The following NLGN1 variants were observed in gnomAD, a reference collection of about 807,000 sequenced individuals.
NLGN1 encodes neuroligin-1.
NLGN1 carries 12 observed loss-of-function variants against 65.5 expected under a neutral mutation model. The ratio of observed to expected loss-of-function variants is 0.18; its 90% CI spans 0.12 to 0.30. NLGN1 has a LOEUF of 0.30. Among genes scored for constraint, NLGN1 ranks in the 10% least tolerant of loss-of-function variants. NLGN1 has a pLI of 1.00. For synonymous variants in NLGN1, 350 were observed against 359.5 expected, an observed-to-expected ratio of 0.97 and a Z score of 0.30; for missense variants, 750 against 1,007.1, an observed-to-expected ratio of 0.74 and a Z score of 3.46.
intron 4 of NLGN1, among the ~76,000 whole-genome samples, chr3:174,158,541 C>T (rs1417232305): frequency 1.3e-5 from 2 of 151,594 alleles, no homozygotes; most frequent in African/African-American, 2.4e-5. Flanking sequence ...ATCAGAAGCC[C>T]CGGGCATACC....
At chr3:173,566,981 A>G (rs1331473095) in intron 2 of NLGN1, among the ~76,000 whole-genome samples, 1 of 152,180 alleles carries the variant, frequency 6.6e-6, no homozygotes, top group Non-Finnish European at 1.5e-5. Context: ...ATGAGATGCC[A>G]CTAATGTCGA....
intron 3 of NLGN1, among the ~76,000 whole-genome samples, chr3:173,654,560 G>C (rs1404479633): frequency 6.6e-6 from 1 of 151,990 alleles, no homozygotes; most frequent in African/African-American, 2.4e-5. Context: ...TTGTTTTCTT[G>C]GTTCTAAGTT....
intron 4 of NLGN1, among the ~76,000 whole-genome samples, chr3:173,908,711 T>C (rs185708575): frequency 6.6e-6 from 1 of 152,232 alleles, no homozygotes; most frequent in African/African-American, 2.4e-5. Flanking sequence ...ACTGATGTAA[T>C]TGTGGAAATT....
chr3:173,518,377 CAG>C (rs760147133), intron 2 of NLGN1, among the ~76,000 whole-genome samples: 31 of 150,910 alleles, frequency 2.1e-4, no homozygotes, highest in African/African-American at 6.8e-4. Flanking sequence ...CCAAATTATA[CAG>C]AGTTATAGAT....
chr3:173,614,303 T>C (rs1347630371), intron 3 of NLGN1, among the ~76,000 whole-genome samples: 1 of 152,086 alleles, frequency 6.6e-6, no homozygotes, highest in East Asian at 1.9e-4. Flanking sequence ...GTAGTAACTA[T>C]AGCTACTCTC....
intron 4 of NLGN1, among the ~76,000 whole-genome samples, chr3:174,135,993 C>T (rs555444624): frequency 3.4e-4 from 52 of 152,036 alleles, no homozygotes; most frequent in Admixed American, 1.7e-3. Flanking sequence ...TTCTACCTCT[C>T]GCTTCTTCTT....
rs1354262084 is a variant in NLGN1 at position 173,998,227 on chromosome 3, C to T, written c.646+190395C>T. ...GCTTTCAAAGCAGTCATTCTGTTCA[C>T]CTCATCCATTGCTGTTTCGTTGGCC... On this transcript the variant is annotated intron_variant, in intron 4 of 6. Transcript: ENST00000457714. 3.4e-4 allele frequency among the ~76,000 whole-genome samples: 51 copies of T among 152,162 alleles called. 1 individual carries two copies. Among genetic ancestry groups the T allele is most frequent in the Admixed American group, 3.3e-3 (51 of 15,270 alleles).
At chr3:173,989,301 C>T (rs1579603077) in intron 4 of NLGN1, among the ~76,000 whole-genome samples, 1 of 152,118 alleles carries the variant, frequency 6.6e-6, no homozygotes, top group African/African-American at 2.4e-5. Context: ...AGAAGTAATC[C>T]TTAGCTAAGA....
intron 2 of NLGN1, among the ~76,000 whole-genome samples, chr3:173,599,316 A>G (rs116700245): frequency 6.6e-6 from 1 of 152,324 alleles, no homozygotes; most frequent in African/African-American, 2.4e-5. Context: ...GTATGGCAAC[A>G]GCAGAAGAAG....
At chr3:173,473,128 A>C (rs1442242161) in intron 2 of NLGN1, among the ~76,000 whole-genome samples, 1 of 152,218 alleles carries the variant, frequency 6.6e-6, no homozygotes, top group Non-Finnish European at 1.5e-5. Flanking sequence ...GTAACCCCAC[A>C]ACAGAAATCC....
intron 2 of NLGN1, among the ~76,000 whole-genome samples, chr3:173,515,196 A>G (rs1459317000): frequency 6.6e-6 from 1 of 152,046 alleles, no homozygotes; most frequent in Non-Finnish European, 1.5e-5. Flanking sequence ...AGCCATCCTA[A>G]CAGGTGCGAC....
chr3:173,864,667 T>G (rs1275618569), intron 4 of NLGN1, among the ~76,000 whole-genome samples: 6 of 152,200 alleles, frequency 3.9e-5, no homozygotes, highest in Non-Finnish European at 8.8e-5. Flanking sequence ...TTGATTAAAT[T>G]TACGTTCTGT....
chr3:173,889,906 A>C (rs558900806), intron 4 of NLGN1, among the ~76,000 whole-genome samples: 2 of 152,272 alleles, frequency 1.3e-5, no homozygotes, highest in South Asian at 4.1e-4. Flanking sequence ...GCTTACAGAC[A>C]TAAGAAAGAA....
downstream of NLGN1, among the ~76,000 whole-genome samples, chr3:174,289,804 ACT>A (rs1752525993): frequency 6.7e-6 from 1 of 149,896 alleles, no homozygotes. Context: ...AGAGACATTG[ACT>A]CTCACCAATT....
chr3:174,264,366 G>T (rs1247643801), intron 4 of NLGN1, among the ~76,000 whole-genome samples: 3 of 144,440 alleles, frequency 2.1e-5, no homozygotes, highest in Non-Finnish European at 4.6e-5. Context: ...ATATTTCTTG[G>T]AGGCTTTGCT....
chr3:173,635,647 T>C (rs189228983), intron 3 of NLGN1, among the ~76,000 whole-genome samples: 20 of 152,280 alleles, frequency 1.3e-4, no homozygotes, highest in Admixed American at 4.6e-4. Context: ...ATCTGAATTC[T>C]TTCTTTGTTT....
intron 4 of NLGN1, among the ~76,000 whole-genome samples, chr3:174,139,264 C>T (rs1465554464): frequency 6.6e-6 from 1 of 151,984 alleles, no homozygotes; most frequent in African/African-American, 2.4e-5. Context: ...GTTGTATCTG[C>T]CTATTTCTAC....
intron 2 of NLGN1, among the ~76,000 whole-genome samples, chr3:173,450,276 A>G (rs1184717999): frequency 6.6e-6 from 1 of 152,126 alleles, no homozygotes; most frequent in Non-Finnish European, 1.5e-5. Context: ...AAAATCTCTC[A>G]GCATTTGCTT....
At chr3:173,800,293 G>A (rs1473209029) in intron 3 of NLGN1, 3 of 1,165,208 alleles carry the variant, frequency 2.6e-6, no homozygotes, top group Non-Finnish European at 3.3e-6. Flanking sequence ...TCAATCCTAG[G>A]TCCCCTTACA....
Sources: gnomAD v4.1 joint callset for allele counts (sites outside exome capture counted in the v4.1 genomes callset) on GRCh38, gnomAD v4.1.1 for gene constraint, MANE v1.5 for transcripts, NCBI Gene and HGNC (gene_info 2026-07-23, HGNC 2026-07-21) for gene names.